Variants in STXBP4 observed in about 807,000 individuals in gnomAD.
The protein encoded by STXBP4 is syntaxin-binding protein 4.
STXBP4 carries 55 observed loss-of-function variants against 76.1 expected under a neutral mutation model. The ratio of observed to expected loss-of-function variants is 0.72; its 90% CI spans 0.58 to 0.91. The LOEUF (loss-of-function observed/expected upper bound fraction) is 0.91. Ranked by LOEUF, STXBP4 falls within the 40% of genes least tolerant of loss-of-function variation. The pLI, the probability that STXBP4 is intolerant of heterozygous loss-of-function variation, is 0.00. For synonymous variants in STXBP4, 201 were observed against 220.2 expected (o/e 0.91, Z 0.77); for missense variants, 618 against 636.9 (o/e 0.97, Z 0.32).
chr17:55,087,593 C>A (rs557290940), intron 16 of STXBP4, among the ~76,000 whole-genome samples: 4 of 152,216 alleles, frequency 2.6e-5, no homozygotes, highest in East Asian at 3.9e-4. Context: ...TATTCTGTTT[C>A]ATTGGTCTGT....
intron 12 of STXBP4, among the ~76,000 whole-genome samples, chr17:55,054,332 CA>C (rs201403557): frequency 6.6e-6 from 1 of 151,954 alleles, no homozygotes; most frequent in African/African-American, 2.4e-5. Flanking sequence ...ACTAAAAATA[CA>C]AAAAAATTCG....
chr17:55,061,831 A>T (rs755790784), intron 12 of STXBP4, among the ~76,000 whole-genome samples: 1 of 152,134 alleles, frequency 6.6e-6, no homozygotes, highest in East Asian at 1.9e-4. Context: ...CTTCTTATTG[A>T]TGAGTGCATT....
intron 16 of STXBP4, among the ~76,000 whole-genome samples, chr17:55,084,637 C>A (rs905244390): frequency 6.6e-6 from 1 of 151,576 alleles, no homozygotes; most frequent in African/African-American, 2.4e-5. Flanking sequence ...AGTCTTTAAT[C>A]CATCTTGAAT....
chr17:54,999,248 C>T (rs2077866338), intron 4 of STXBP4, 97 bp from the exon 5 acceptor site: 3 of 904,750 alleles, frequency 3.3e-6, no homozygotes, highest in Non-Finnish European at 5.1e-6. Flanking sequence ...TTTTTGAAGG[C>T]ATTCTTCACG....
chr17:55,060,596 AT>A (rs2078983856), intron 12 of STXBP4, among the ~76,000 whole-genome samples: 1 of 152,148 alleles, frequency 6.6e-6, no homozygotes, highest in Non-Finnish European at 1.5e-5. Flanking sequence ...GATCACCTTC[AT>A]TGTTTTATTC....
intron 16 of STXBP4, among the ~76,000 whole-genome samples, chr17:55,109,354 G>A (rs995658882): frequency 6.6e-6 from 1 of 151,934 alleles, no homozygotes; most frequent in Non-Finnish European, 1.5e-5. Flanking sequence ...AAAATGTCAA[G>A]TATTCATTAA....
At chr17:55,005,884 CTT>C (rs1329991827) in intron 7 of STXBP4, among the ~76,000 whole-genome samples, 1 of 152,024 alleles carries the variant, frequency 6.6e-6, no homozygotes, top group Non-Finnish European at 1.5e-5. Flanking sequence ...TTATACTACA[CTT>C]TAGGTTTGGC....
chr17:54,999,710 A>G lies in STXBP4; in HGVS notation c.366A>G (p.Ser122=), dbSNP rs780743218. Residue 122 remains serine (S), a synonymous_variant, in exon 6 of 18, where the codon TCA becomes TCG. Transcript: ENST00000376352. ...NIQPENLSCT[S]LIEASGEYGP... The stretch of plus-strand genomic sequence containing the variant: ...AGCCAGAAAATCTGTCATGTACATC[A>G]CTTATAGAAGCTTCAGGAGAATATG... 3.9e-5 allele frequency: 63 copies of G among 1,613,636 alleles called. No individual in the cohort carries two copies. Among genetic ancestry groups the G allele is most frequent in the Non-Finnish European group, 4.9e-5 (58 of 1,179,834 alleles).
At chr17:55,175,256 C>A (rs1295507174), downstream of STXBP4, among the ~76,000 whole-genome samples, 1 of 152,164 alleles carries the variant, frequency 6.6e-6, no homozygotes, top group African/African-American at 2.4e-5. Context: ...GATACCAAAT[C>A]TGCTTGGAAC....
chr17:55,041,768 G>A lies in STXBP4; in HGVS notation c.856-1468G>A, dbSNP rs867657080. ...TTTTTGGCAGTTCAAATGTTCTTTAGCATATTAAGGCTGTTGGAAGCCATA... is the reference window on the plus strand; with the variant it reads ...TTTTTGGCAGTTCAAATGTTCTTTAACATATTAAGGCTGTTGGAAGCCATA... On this transcript the variant is annotated intron_variant, in intron 10 of 17. Transcript: ENST00000376352. Among the ~76,000 whole-genome samples the A allele has an allele frequency of 4.0e-4, 61 of 152,092 alleles. No individual in the cohort carries two copies. The South Asian group carries it at 4.2e-3, about 10-fold the overall frequency.
At chr17:55,125,882 G>A (rs2079905992) in intron 16 of STXBP4, among the ~76,000 whole-genome samples, 1 of 152,132 alleles carries the variant, frequency 6.6e-6, no homozygotes, top group Non-Finnish European at 1.5e-5. Flanking sequence ...AAAGGCAGAG[G>A]GGAAATCCCG....
chr17:55,202,043 T>C, the STXBP4 span, among the ~76,000 whole-genome samples: 15 of 152,198 alleles, frequency 9.9e-5, no homozygotes, highest in Admixed American at 7.9e-4. Context: ...TTTATATCAG[T>C]ACAATAATTT....
chr17:55,191,284 C>T, the STXBP4 span, among the ~76,000 whole-genome samples: 11 of 152,114 alleles, frequency 7.2e-5, no homozygotes, highest in Non-Finnish European at 1.3e-4. Flanking sequence ...CTACAATGTG[C>T]ATATGTGCCA....
chr17:55,043,816 TC>T, intron 11 of STXBP4: 1 of 607,854 alleles, frequency 1.6e-6, no homozygotes, highest in Non-Finnish European at 2.7e-6. Flanking sequence ...ATTTTTCTTC[TC>T]TTTTTTTGTT....
rs1214598572 is a variant in STXBP4, at chr17:55,041,392, AT to A, written c.856-1838del. ...CCGCCATGTCTGGCTAATTTTGTTT[AT>A]TTTTTGTAGAGACATGGTCTCATTA... On this transcript the variant is annotated intron_variant, in intron 10 of 17. Coordinates refer to ENST00000376352, the MANE Select transcript of STXBP4 (RefSeq NM_178509.6). Among the ~76,000 whole-genome samples the A allele has an allele frequency of 2.9e-4, 44 of 151,858 alleles. 1 individual carries two copies. Among genetic ancestry groups the A allele is most frequent in the Middle Eastern group, 6.8e-3 (2 of 294 alleles).
At chr17:55,107,943 C>T (rs1206926309) in intron 16 of STXBP4, among the ~76,000 whole-genome samples, 2 of 152,204 alleles carry the variant, frequency 1.3e-5, no homozygotes, top group Non-Finnish European at 2.9e-5. Flanking sequence ...AGAGCTCAAG[C>T]GCTGTGCTGG....
At chr17:55,197,698 G>A in the STXBP4 span, among the ~76,000 whole-genome samples, 662 of 151,392 alleles carry the variant, frequency 4.4e-3, 1 homozygote, top group Non-Finnish European at 7.3e-3. Context: ...AGCCGAGATT[G>A]CACCACTGCA....
chr17:55,089,302 A>C (rs2079380296), intron 16 of STXBP4, among the ~76,000 whole-genome samples: 1 of 152,214 alleles, frequency 6.6e-6, no homozygotes, highest in African/African-American at 2.4e-5. Context: ...GGTAGGTATT[A>C]AATTATTATT....
intron 10 of STXBP4, among the ~76,000 whole-genome samples, chr17:55,037,820 C>T (rs2078629552): frequency 6.6e-6 from 1 of 152,132 alleles, no homozygotes; most frequent in Admixed American, 6.6e-5. Context: ...ACTTTGGTTT[C>T]ACGATTCGCT....
Sources: gnomAD v4.1 joint callset for allele counts (sites outside exome capture counted in the v4.1 genomes callset) on GRCh38, gnomAD v4.1.1 for gene constraint, MANE v1.5 for transcripts, NCBI Gene and HGNC (gene_info 2026-07-23, HGNC 2026-07-21) for gene names.